Variants in ACTA1 observed in about 807,000 individuals in gnomAD.
ACTA1 encodes actin alpha 1, skeletal muscle, also known as actin, alpha skeletal muscle.
ACTA1 carries 25 observed loss-of-function variants against 35.8 expected under a neutral mutation model. The observed-to-expected ratio is 0.70, with a 90% CI of 0.51 to 0.97. The LOEUF (loss-of-function observed/expected upper bound fraction) is 0.97. Ranked by LOEUF, ACTA1 falls within the 50% of genes least tolerant of loss-of-function variation. The pLI, the probability that ACTA1 is intolerant of heterozygous loss-of-function variation, is 0.00. For missense variants in ACTA1, 174 were observed against 533.0 expected (o/e 0.33, Z 6.63); for synonymous variants, 219 against 217.1 (o/e 1.01, Z -0.08).
At position 229,432,189 on chromosome 1, in the gene ACTA1, C is replaced by T. The variant is rs371602417; in HGVS notation, c.617-4G>A. ...TCGCGCACGATCTCGCGCTCAGCTG[C>T]GGAGGGCAGAAGCAGGAGAGGAGCC... On this transcript the variant is annotated splice_polypyrimidine_tract_variant and splice_region_variant and intron_variant, in intron 4 of 6. Transcript: ENST00000366684. 1.9e-6 allele frequency: 3 copies of T among 1,613,440 alleles called. No individual in the cohort carries two copies. The highest frequency in any genetic ancestry group is 2.5e-6 in the Non-Finnish European group (3 of 1,179,722).
At position 229,432,255 on chromosome 1, in the gene ACTA1, A is replaced by C; in HGVS notation, c.616+15T>G. Reference sequence around the variant, plus strand: ...CCGCCGGCCCTCCCGCCCGGGGTGCAGGGGCGCCGCGCACCTGTGGTCACG... The same window carrying C: ...CCGCCGGCCCTCCCGCCCGGGGTGCCGGGGCGCCGCGCACCTGTGGTCACG... On this transcript the variant is annotated intron_variant, in intron 4 of 6. Transcript: ENST00000366684. 3 of 1,613,352 alleles carry C rather than the reference A, an allele frequency of 1.9e-6. No individual in the cohort carries two copies. Among genetic ancestry groups the C allele is most frequent in the Non-Finnish European group, 2.5e-6 (3 of 1,179,656 alleles).
chr1:229,433,170 G>C, intron 1 of ACTA1, 43 bp from the exon 2 acceptor site: 1 of 1,609,910 alleles, frequency 6.2e-7, no homozygotes, highest in Non-Finnish European at 8.5e-7. Flanking sequence ...GTGCATCAGC[G>C]CAGAAGTCTC....
chr1:229,433,185 G>A (rs112586510), intron 1 of ACTA1, 58 bp from the exon 2 acceptor site: 2 of 1,594,342 alleles, frequency 1.3e-6, no homozygotes, highest in South Asian at 1.1e-5. Context: ...AGTCTCAGCG[G>A]CAGGGGGGGG....
Position 229,432,444 on chromosome 1 carries a change from G to A in ACTA1, c.455-13C>T. On this transcript the variant is annotated splice_polypyrimidine_tract_variant and intron_variant, in intron 3 of 6. Coordinates refer to ENST00000366684, the MANE Select transcript of ACTA1 (RefSeq NM_001100.4). The stretch of plus-strand genomic sequence containing the variant: ...TCCAGCACGATGCCTGTGCGCGCGC[G>A]GGAGAGAGTGAGTGGCTGGGGGCGA... The A allele has an allele frequency of 1.2e-6, 2 of 1,606,900 alleles. No homozygotes were observed. The highest frequency in any genetic ancestry group is 1.1e-5 in the South Asian group (1 of 90,788).
chr1:229,431,307 C>T lies in ACTA1; in HGVS notation c.*192G>A. The stretch of plus-strand genomic sequence containing the variant: ...AAGTTTTCCATTTTCTTCCACAGGG[C>T]TTTGTTTCGAAAAATAACAAAATGA... On this transcript the variant is annotated 3_prime_UTR_variant, in exon 7 of 7. Transcript: ENST00000366684. The surrounding 1 kb of genome is among the most constrained non-coding windows in gnomAD (Gnocchi z 7.1). 2 of 787,350 alleles carry T rather than the reference C, an allele frequency of 2.5e-6. No homozygotes were observed. Among genetic ancestry groups the T allele is most frequent in the Non-Finnish European group, 4.2e-6 (2 of 480,812 alleles). The allele number at this position is 787,350 out of a possible 1,614,324, so 48.8% of individuals were successfully genotyped here. A position where few individuals can be genotyped will look rare whatever the true frequency, so the allele number is the denominator to read the frequency against.
rs540298095 is a variant in ACTA1 at position 229,432,906 on chromosome 1, C to G, written c.130-26G>C. 3.7e-6 allele frequency: 6 copies of G among 1,614,088 alleles called. No homozygotes were observed. The South Asian group carries it at 5.5e-5, about 15-fold the overall frequency. ...CTGCAGAGCCGAGACACCACGCACC[C>G]GTTAACGCCGCTCCGGGTGGCACCA... On this transcript the variant is annotated intron_variant, in intron 2 of 6. Coordinates refer to ENST00000366684, the MANE Select transcript of ACTA1 (RefSeq NM_001100.4).
At chr1:229,433,227 C>G in intron 1 of ACTA1, 100 bp from the exon 2 acceptor site, 1 of 1,532,902 alleles carries the variant, frequency 6.5e-7, no homozygotes, top group East Asian at 2.3e-5. Flanking sequence ...TCCTCCCTCC[C>G]CAGGAACCTA....
At position 229,432,180 on chromosome 1, in the gene ACTA1, G is replaced by T. The variant is rs148514635; in HGVS notation, c.622C>A (p.Arg208Ser). 22 of 1,613,438 alleles carry T rather than the reference G, an allele frequency of 1.4e-5. No homozygotes were observed. The highest frequency in any genetic ancestry group is 1.5e-5 in the Non-Finnish European group (18 of 1,179,812). The change falls in exon 5 of 7, where the codon CGC becomes AGC. Residue 208 changes from arginine (R) to serine (S), a missense_variant. By Grantham distance (110) the Arg-to-Ser change is moderately radical. Coordinates refer to ENST00000366684, the MANE Select transcript of ACTA1 (RefSeq NM_001100.4). ...TCCTTGATGTCGCGCACGATCTCGC[G>T]CTCAGCTGCGGAGGGCAGAAGCAGG... ...RGYSFVTTAE[R>S]EIVRDIKEKL... is the part of the protein sequence containing the mutation.
In ACTA1 at chr1:229,431,351, G is replaced by T; in HGVS notation, c.*148C>A. The T allele has an allele frequency of 9.4e-7, 1 of 1,069,100 alleles. No individual in the cohort carries two copies. Among genetic ancestry groups the T allele is most frequent in the Non-Finnish European group, 1.4e-6 (1 of 698,984 alleles). 66.2% of individuals were successfully genotyped at this position (1,069,100 alleles called of 1,614,324 possible). On this transcript the variant is annotated 3_prime_UTR_variant, in exon 7 of 7. Transcript: ENST00000366684. The surrounding 1 kb of genome is among the most constrained non-coding windows in gnomAD (Gnocchi z 7.1). ...AAAATGAGGTAATAAGTTAATGTAT[G>T]TACACGTTATAAACACTGTGTCAGT...
At position 229,433,089 on chromosome 1, in the gene ACTA1, G is replaced by A; in HGVS notation, c.27C>T (p.Ala9=). MCDEDETT[A]LVCDNGSGLV... ...GGCCGGAGCCATTGTCGCACACGAG[G>A]GCGGTGGTCTCGTCTTCGTCGCACA... is the stretch of plus-strand genomic sequence containing the variant. Residue 9 remains alanine (A), a synonymous_variant, in exon 2 of 7, where the codon GCC becomes GCT. Transcript: ENST00000366684. 1.9e-6 allele frequency: 3 copies of A among 1,614,196 alleles called. No homozygotes were observed. The highest frequency in any genetic ancestry group is 1.1e-5 in the South Asian group (1 of 91,090).
Position 229,433,193 on chromosome 1 carries a change from G to A in ACTA1, c.-12-66C>T, listed in dbSNP as rs573787727. On this transcript the variant is annotated intron_variant, in intron 1 of 6. Transcript: ENST00000366684. ...GCGCAGAAGTCTCAGCGGCAGGGGGGGGTAAGCCTGGCTGGCCCCGACGTC... is the reference window on the plus strand; with the variant it reads ...GCGCAGAAGTCTCAGCGGCAGGGGGAGGTAAGCCTGGCTGGCCCCGACGTC... 3.2e-4 allele frequency: 514 copies of A among 1,607,578 alleles called. 2 individuals are homozygous for A. Among genetic ancestry groups the A allele is most frequent in the African/African-American group, 2.9e-3 (214 of 74,904 alleles).
chr1:229,432,856 T>G lies in ACTA1; in HGVS notation c.154A>C (p.Lys52Gln). Reference sequence around the variant, plus strand: ...GCCTCGTCGCCCACGTAGGAATCTTTCTGACCCATACCGACCATGACGCCC... The same window carrying G: ...GCCTCGTCGCCCACGTAGGAATCTTGCTGACCCATACCGACCATGACGCCC... Reference protein sequence around the residue: ...HQGVMVGMGQKDSYVGDEAQS... With the variant: ...HQGVMVGMGQQDSYVGDEAQS... Residue 52 changes from lysine to glutamine, a missense_variant, in exon 3 of 7, where the codon AAA becomes CAA. By Grantham distance (53) the Lys-to-Gln change is moderately conservative. Coordinates refer to ENST00000366684, the MANE Select transcript of ACTA1 (RefSeq NM_001100.4). The G allele has an allele frequency of 6.2e-7, 1 of 1,614,174 alleles. No homozygotes were observed. Among genetic ancestry groups the G allele is most frequent in the Non-Finnish European group, 8.5e-7 (1 of 1,180,016 alleles).
At chr1:229,433,159 G>C (rs1424065118) in intron 1 of ACTA1, 32 bp from the exon 2 acceptor site, 3 of 1,613,322 alleles carry the variant, frequency 1.9e-6, no homozygotes, top group East Asian at 2.2e-5. Context: ...GAAGAGGCGC[G>C]GTGCATCAGC....
At position 229,433,072 on chromosome 1, in the gene ACTA1, C is replaced by A; in HGVS notation, c.44G>T (p.Gly15Val). 3 of 1,614,136 alleles carry A rather than the reference C, an allele frequency of 1.9e-6. No individual in the cohort carries two copies. Among genetic ancestry groups the A allele is most frequent in the Non-Finnish European group, 2.5e-6 (3 of 1,179,976 alleles). ...DETTALVCDN[G>V]SGLVKAGFAG... ...GAAGCCGGCTTTCACCAGGCCGGAG[C>A]CATTGTCGCACACGAGGGCGGTGGT... The change falls in exon 2 of 7, where the codon GGC becomes GTC. Residue 15 changes from glycine to valine, a missense_variant. Gly to Val is a moderately radical substitution (Grantham distance 109). Coordinates refer to ENST00000366684, the MANE Select transcript of ACTA1 (RefSeq NM_001100.4).
intron 1 of ACTA1, 108 bp from the exon 2 acceptor site, chr1:229,433,235 C>A: frequency 6.8e-7 from 1 of 1,477,542 alleles, no homozygotes; most frequent in Non-Finnish European, 9.4e-7. Context: ...CCCCAGGAAC[C>A]TAGGGACATC....
chr1:229,432,533 G>T, intron 3 of ACTA1, 23 bp downstream of exon 3: 1 of 1,570,266 alleles, frequency 6.4e-7, no homozygotes, highest in Non-Finnish European at 8.7e-7. Context: ...CGGGAGAGGG[G>T]ACTGGGGGCA....
chr1:229,432,696 G>C lies in ACTA1; in HGVS notation c.314C>G (p.Thr105Ser), dbSNP rs756909121. The change falls in exon 3 of 7, where the codon ACC (threonine) becomes AGC (serine). Residue 105 changes from threonine (T) to serine (S), a missense_variant. Thr to Ser is a moderately conservative substitution (Grantham distance 58). Transcript: ENST00000366684. Reference sequence around the variant, plus strand: ...ATTGAGGGGGGCCTCGGTGAGCAGGGTGGGGTGCTCCTCGGGAGCCACGCG... The same window carrying C: ...ATTGAGGGGGGCCTCGGTGAGCAGGCTGGGGTGCTCCTCGGGAGCCACGCG... ...ELRVAPEEHP[T>S]LLTEAPLNPK... The C allele has an allele frequency of 6.2e-7, 1 of 1,614,090 alleles. No individual in the cohort carries two copies. Among genetic ancestry groups the C allele is most frequent in the Non-Finnish European group, 8.5e-7 (1 of 1,180,038 alleles).
At chr1:229,433,186 CAG>C in intron 1 of ACTA1, 59 bp from the exon 2 acceptor site, 1 of 1,593,938 alleles carries the variant, frequency 6.3e-7, no homozygotes, top group South Asian at 1.1e-5. Context: ...GTCTCAGCGG[CAG>C]GGGGGGGTAA....
In ACTA1 at chr1:229,431,732, T is replaced by C; in HGVS notation, c.979A>G (p.Met327Val). 3 of 1,614,196 alleles carry C rather than the reference T, an allele frequency of 1.9e-6. No homozygotes were observed. The highest frequency in any genetic ancestry group is 2.5e-6 in the Non-Finnish European group (3 of 1,180,024). Residue 327 changes from methionine (M) to valine (V), a missense_variant, in exon 6 of 7, where the codon ATG (methionine) becomes GTG (valine). Physicochemically the swap from Met to Val is conservative, Grantham distance 21 (BLOSUM62 1). Transcript: ENST00000366684. This position sits in a 1 kb window ranked among gnomAD's most constrained non-coding sequence, Gnocchi z 7.1. Reference sequence around the variant, plus strand: ...AGGCCACCACCCACCTTGATCTTCATGGTGCTGGGTGCCAGCGCGGTGATC... The same window carrying C: ...AGGCCACCACCCACCTTGATCTTCACGGTGCTGGGTGCCAGCGCGGTGATC... ...KEITALAPST[M>V]KIKIIAPPER...
Sources: allele counts gnomAD v4.1 joint callset, GRCh38; gene constraint gnomAD v4.1.1; non-coding constraint Gnocchi (gnomAD v3.1); transcripts MANE v1.5; gene names NCBI Gene and HGNC (gene_info 2026-07-23, HGNC 2026-07-21).